Variants in HPSE2 observed in about 807,000 individuals in gnomAD.
HPSE2 encodes heparanase 2 (inactive).
A neutral mutation model predicts 60.5 loss-of-function variants in HPSE2; 38 were observed. That is an observed-to-expected ratio of 0.63 (90% confidence interval 0.48 to 0.82). HPSE2 has a LOEUF of 0.82. HPSE2 is among the 40% of genes least tolerant of loss of function. The probability of loss-of-function intolerance (pLI) is 0.00; values close to 1 mark genes in which losing one functional copy is unlikely to be tolerated. For synonymous variants in HPSE2, 295 were observed against 293.2 expected, an observed-to-expected ratio of 1.01 and a Z score of -0.06; for missense variants, 713 against 740.4, an observed-to-expected ratio of 0.96 and a Z score of 0.43.
chr10:99,294,494 T>A, the HPSE2 span, among the ~76,000 whole-genome samples: 1 of 147,434 alleles, frequency 6.8e-6, no homozygotes, highest in African/African-American at 2.5e-5. Context: ...TAAATACATA[T>A]TATATATATG....
chr10:99,011,335 T>C (rs777644684), intron 3 of HPSE2, among the ~76,000 whole-genome samples: 5 of 152,160 alleles, frequency 3.3e-5, no homozygotes, highest in Non-Finnish European at 5.9e-5. Context: ...CAAAGTTGGA[T>C]CAATACTTAT....
intron 3 of HPSE2, among the ~76,000 whole-genome samples, chr10:98,886,519 AAATC>A (rs1953170595): frequency 6.6e-6 from 1 of 152,126 alleles, no homozygotes; most frequent in Non-Finnish European, 1.5e-5. Flanking sequence ...CTAATGACTC[AAATC>A]AAGAGTGTAG....
At chr10:98,648,273 A>G (rs1295964506) in intron 6 of HPSE2, among the ~76,000 whole-genome samples, 1 of 152,184 alleles carries the variant, frequency 6.6e-6, no homozygotes, top group African/African-American at 2.4e-5. Context: ...TAGCGGTGTT[A>G]AGGAGAGGTG....
the HPSE2 span, among the ~76,000 whole-genome samples, chr10:99,306,469 G>T: frequency 7.0e-6 from 1 of 142,330 alleles, no homozygotes; most frequent in Non-Finnish European, 1.5e-5. Context: ...CCATTTTGGG[G>T]GTCTGCTTTG....
At chr10:99,231,145 TG>T (rs1214030048) in intron 2 of HPSE2, among the ~76,000 whole-genome samples, 1 of 152,152 alleles carries the variant, frequency 6.6e-6, no homozygotes, top group East Asian at 1.9e-4. Context: ...TTCTCTATTC[TG>T]GCACTTAAAA....
intron 3 of HPSE2, among the ~76,000 whole-genome samples, chr10:99,007,237 A>G (rs1350959508): frequency 6.6e-6 from 1 of 152,056 alleles, no homozygotes. Flanking sequence ...TTGAGTCCAC[A>G]CATACCAGCC....
At chr10:98,864,331 A>G (rs890065678) in intron 3 of HPSE2, among the ~76,000 whole-genome samples, 1 of 152,086 alleles carries the variant, frequency 6.6e-6, no homozygotes, top group African/African-American at 2.4e-5. Flanking sequence ...CATATACTAT[A>G]TATCTATTTT....
intron 9 of HPSE2, among the ~76,000 whole-genome samples, chr10:98,503,255 A>G (rs775753217): frequency 4.6e-5 from 7 of 152,040 alleles, no homozygotes; most frequent in Non-Finnish European, 1.0e-4. Context: ...AAAAAAGAGT[A>G]AAAGAAAACA....
At chr10:98,749,399 T>C (rs1949701745) in intron 3 of HPSE2, among the ~76,000 whole-genome samples, 1 of 151,704 alleles carries the variant, frequency 6.6e-6, no homozygotes, top group Non-Finnish European at 1.5e-5. Flanking sequence ...TACATGCGTG[T>C]ATATCTGTAC....
intron 3 of HPSE2, among the ~76,000 whole-genome samples, chr10:98,891,863 T>C (rs1231454781): frequency 6.6e-6 from 1 of 152,020 alleles, no homozygotes. Flanking sequence ...TCCACCTCCC[T>C]GGCTCAGGTG....
the HPSE2 span, among the ~76,000 whole-genome samples, chr10:99,248,794 T>C: frequency 6.6e-6 from 1 of 152,218 alleles, no homozygotes; most frequent in African/African-American, 2.4e-5. Context: ...CCCAATGCCC[T>C]GTGCAACCTC....
chr10:99,312,282 C>T, the HPSE2 span, among the ~76,000 whole-genome samples: 1 of 152,204 alleles, frequency 6.6e-6, no homozygotes, highest in Non-Finnish European at 1.5e-5. Context: ...AACCAGATGT[C>T]ACCTAGGACT....
chr10:99,228,698 T>A (rs564919695), intron 2 of HPSE2, among the ~76,000 whole-genome samples: 36 of 152,228 alleles, frequency 2.4e-4, no homozygotes, highest in African/African-American at 8.4e-4. Flanking sequence ...AAGCATAGAG[T>A]AGAATAGTTA....
intron 2 of HPSE2, among the ~76,000 whole-genome samples, chr10:99,158,083 C>T (rs1331174455): frequency 7.2e-6 from 1 of 138,514 alleles, no homozygotes; most frequent in Admixed American, 7.5e-5. Context: ...GAATGGCAAT[C>T]ATTAAAAAGT....
At chr10:98,481,849 C>A (rs1286707800) in intron 11 of HPSE2, among the ~76,000 whole-genome samples, 1 of 152,174 alleles carries the variant, frequency 6.6e-6, no homozygotes, top group African/African-American at 2.4e-5. Context: ...GCATCCCATA[C>A]CCTTCCTGAG....
At chr10:99,312,329 G>T in the HPSE2 span, among the ~76,000 whole-genome samples, 2 of 152,206 alleles carry the variant, frequency 1.3e-5, no homozygotes, top group Admixed American at 6.5e-5. Flanking sequence ...TGGCCTTGAA[G>T]CTTCAAAAGA....
At chr10:98,636,527 A>C (rs150019535) in intron 7 of HPSE2, among the ~76,000 whole-genome samples, 2,661 of 152,320 alleles carry the variant, frequency 0.017, 88 homozygotes, top group African/African-American at 0.061. Context: ...GGCATGAGCC[A>C]CTGTGCCCAG....
chr10:98,790,948 G>A (rs1950642822), intron 3 of HPSE2, among the ~76,000 whole-genome samples: 1 of 152,140 alleles, frequency 6.6e-6, no homozygotes, highest in African/African-American at 2.4e-5. Flanking sequence ...ATGACACAGA[G>A]ACAGGCAAAA....
intron 3 of HPSE2, among the ~76,000 whole-genome samples, chr10:99,037,030 A>G (rs1385003680): frequency 6.6e-6 from 1 of 152,202 alleles, no homozygotes; most frequent in East Asian, 1.9e-4. Flanking sequence ...ACCCTCTGAA[A>G]TGATGTAAAG....
Sources: allele counts gnomAD v4.1 joint callset (sites outside exome capture counted in the v4.1 genomes callset), GRCh38; gene constraint gnomAD v4.1.1; transcripts MANE v1.5; gene names NCBI Gene and HGNC (gene_info 2026-07-23, HGNC 2026-07-21).